SNTB2: variants seen among roughly 807,000 people sequenced by gnomAD.
SNTB2 encodes the protein beta-2-syntrophin.
A neutral mutation model predicts 46.2 loss-of-function variants in SNTB2; 34 were observed. The observed-to-expected ratio is 0.74, with a 90% CI of 0.56 to 0.98. SNTB2 has a LOEUF of 0.98. Ranked by LOEUF, SNTB2 falls within the 50% of genes least tolerant of loss-of-function variation. The pLI, the probability that SNTB2 is intolerant of heterozygous loss-of-function variation, is 0.00. For missense variants in SNTB2, 603 were observed against 731.4 expected, an observed-to-expected ratio of 0.82 and a Z score of 2.02; for synonymous variants, 290 against 312.6, an observed-to-expected ratio of 0.93 and a Z score of 0.76.
Position 69,270,249 on chromosome 16 carries a change from C to T in SNTB2, c.1112C>T (p.Ala371Val), listed in dbSNP as rs1241094490. Residue 371 changes from alanine to valine, a missense_variant, in exon 4 of 7, where the codon GCG (alanine) becomes GTG (valine). Transcript: ENST00000336278. ...DCMPWTRDAW[A>V]SPCHSYPLVA... The stretch of plus-strand genomic sequence containing the variant: ...ATGCCGTGGACAAGAGATGCCTGGG[C>T]GTCACCATGCCACAGCTACCCACTT... 7.4e-6 allele frequency: 12 copies of T among 1,613,886 alleles called. No individual in the cohort carries two copies. Among genetic ancestry groups the T allele is most frequent in the African/African-American group, 2.7e-5 (2 of 74,848 alleles).
chr16:69,279,222 G>A (rs1306749787), intron 4 of SNTB2, among the ~76,000 whole-genome samples: 1 of 152,048 alleles, frequency 6.6e-6, no homozygotes, highest in Non-Finnish European at 1.5e-5. Flanking sequence ...CTGTTGTTAT[G>A]AGTATGATTA....
chr16:69,203,749 G>T (rs1437554344), intron 1 of SNTB2, among the ~76,000 whole-genome samples: 1 of 152,022 alleles, frequency 6.6e-6, no homozygotes, highest in Non-Finnish European at 1.5e-5. Flanking sequence ...GGAATCCATT[G>T]CTTGTTTATT....
intron 1 of SNTB2, among the ~76,000 whole-genome samples, chr16:69,232,405 C>T (rs966945537): frequency 6.7e-6 from 1 of 150,340 alleles, no homozygotes; most frequent in African/African-American, 2.4e-5. Context: ...CGGGGTTTCA[C>T]CATGTTAGCC....
chr16:69,213,822 CT>C lies in SNTB2; in HGVS notation c.580+26098del, dbSNP rs35759695. Among the ~76,000 whole-genome samples the C allele has an allele frequency of 5.5e-3, 505 of 91,638 alleles. 1 individual carries two copies. Among genetic ancestry groups the C allele is most frequent in the African/African-American group, 0.018 (405 of 22,106 alleles). The allele number at this position is 91,638 out of a possible 152,430, so 60.1% of individuals were successfully genotyped here. A position where few individuals can be genotyped will look rare whatever the true frequency, so the allele number is the denominator to read the frequency against. On this transcript the variant is annotated intron_variant, in intron 1 of 6. Coordinates refer to ENST00000336278, the MANE Select transcript of SNTB2 (RefSeq NM_006750.4). ...TGATAAATACTATCATTTTAGAGTT[CT>C]TTTTTTTTTTTTTTTTTTTTTGAGA...
chr16:69,217,240 G>A (rs996919722), intron 1 of SNTB2, among the ~76,000 whole-genome samples: 3 of 152,074 alleles, frequency 2.0e-5, no homozygotes, highest in Non-Finnish European at 2.9e-5. Flanking sequence ...TGGGGAGGCC[G>A]AGGTGGGCAG....
intron 1 of SNTB2, among the ~76,000 whole-genome samples, chr16:69,216,067 C>T (rs1199499203): frequency 1.3e-5 from 2 of 152,168 alleles, no homozygotes; most frequent in African/African-American, 2.4e-5. Flanking sequence ...CCTCTGTCCT[C>T]GGCCTCACAA....
chr16:69,212,990 ACT>A (rs1964305018), intron 1 of SNTB2, among the ~76,000 whole-genome samples: 1 of 152,212 alleles, frequency 6.6e-6, no homozygotes, highest in African/African-American at 2.4e-5. Flanking sequence ...TGCTTAATAT[ACT>A]GAGTCATAAT....
chr16:69,249,824 T>G (rs1427363541), intron 2 of SNTB2, among the ~76,000 whole-genome samples: 3 of 152,102 alleles, frequency 2.0e-5, no homozygotes, highest in Non-Finnish European at 4.4e-5. Flanking sequence ...TTTGGCCGGG[T>G]GCAGTGGCTA....
intron 5 of SNTB2, among the ~76,000 whole-genome samples, chr16:69,289,044 C>T (rs775842094): frequency 2.6e-5 from 4 of 151,642 alleles, no homozygotes; most frequent in South Asian, 4.2e-4. Context: ...CCGAGGCGCG[C>T]GGATCACCTG....
intron 1 of SNTB2, among the ~76,000 whole-genome samples, chr16:69,199,617 T>C (rs1433015974): frequency 9.2e-6 from 1 of 108,304 alleles, no homozygotes; most frequent in Non-Finnish European, 2.0e-5. Flanking sequence ...AAAAAGGCGA[T>C]CTTTTTCTCT....
intron 1 of SNTB2, among the ~76,000 whole-genome samples, chr16:69,229,124 T>C (rs1964483375): frequency 6.6e-6 from 1 of 152,196 alleles, no homozygotes; most frequent in African/African-American, 2.4e-5. Context: ...TGCTATTGAA[T>C]CTATTTCTGA....
At chr16:69,271,563 GT>G in intron 4 of SNTB2, among the ~76,000 whole-genome samples, 1 of 152,160 alleles carries the variant, frequency 6.6e-6, no homozygotes, top group Admixed American at 6.5e-5. Flanking sequence ...TAGTTTCTCT[GT>G]CATGGTTACA....
intron 1 of SNTB2, among the ~76,000 whole-genome samples, chr16:69,244,343 T>C (rs564288601): frequency 4.4e-4 from 67 of 152,382 alleles, no homozygotes; most frequent in Non-Finnish European, 2.6e-4. Context: ...TGTGTATGTG[T>C]TTATTTTCAT....
chr16:69,305,104 T>A lies in SNTB2; in HGVS notation c.*4180T>A, dbSNP rs781710512. On this transcript the variant is annotated 3_prime_UTR_variant, in exon 7 of 7. Transcript: ENST00000336278. ...AAAGGTTATAATAGATTCTTTTTTTTAATTTTGTGAGAAATTCCAGGTCTT... is the reference window on the plus strand; with the variant it reads ...AAAGGTTATAATAGATTCTTTTTTTAAATTTTGTGAGAAATTCCAGGTCTT... 1 of 152,438 alleles carries A rather than the reference T, an allele frequency of 6.6e-6. No individual in the cohort carries two copies. The highest frequency in any genetic ancestry group is 1.5e-5 in the Non-Finnish European group (1 of 68,042). 9.4% of individuals were successfully genotyped at this position (152,438 alleles called of 1,614,324 possible).
chr16:69,248,466 T>C (rs903248327), intron 2 of SNTB2, among the ~76,000 whole-genome samples: 1 of 151,982 alleles, frequency 6.6e-6, no homozygotes, highest in African/African-American at 2.4e-5. Context: ...AAACCCTGTC[T>C]CCACTAAAAA....
chr16:69,264,015 T>G (rs533738425), intron 3 of SNTB2, among the ~76,000 whole-genome samples: 1 of 151,978 alleles, frequency 6.6e-6, no homozygotes, highest in African/African-American at 2.4e-5. Flanking sequence ...CCTAGGCTGG[T>G]CTTGAATTCC....
chr16:69,299,446 C>G, intron 5 of SNTB2, 144 bp from the exon 6 acceptor site: 1 of 823,714 alleles, frequency 1.2e-6, no homozygotes, highest in East Asian at 2.7e-5. Flanking sequence ...TAGCACAAAA[C>G]ACACTTTAGA....
chr16:69,297,649 C>T (rs375457792), intron 5 of SNTB2, among the ~76,000 whole-genome samples: 2 of 149,788 alleles, frequency 1.3e-5, no homozygotes, highest in African/African-American at 4.9e-5. Flanking sequence ...CAATGGCTCA[C>T]GCCTATAATC....
At chr16:69,206,109 G>A (rs145889413) in intron 1 of SNTB2, among the ~76,000 whole-genome samples, 29 of 152,154 alleles carry the variant, frequency 1.9e-4, no homozygotes, top group African/African-American at 5.3e-4. Flanking sequence ...AGATTTTCCC[G>A]CCTTAGCCTC....
Sources: gnomAD v4.1 joint callset for allele counts (sites outside exome capture counted in the v4.1 genomes callset) on GRCh38, gnomAD v4.1.1 for gene constraint, MANE v1.5 for transcripts, NCBI Gene and HGNC (gene_info 2026-07-23, HGNC 2026-07-21) for gene names.